Variants in RAB27B observed in about 807,000 individuals in gnomAD.
RAB27B encodes the protein RAB27B, member RAS oncogene family, also known as ras-related protein Rab-27B.
Under a neutral mutation model 24.6 loss-of-function variants are expected in RAB27B, and 15 were observed. The observed-to-expected ratio is 0.61, with a 90% CI of 0.41 to 0.94. The LOEUF (loss-of-function observed/expected upper bound fraction) is 0.94. RAB27B is among the 40% of genes least tolerant of loss of function. RAB27B has a pLI of 0.00. For missense variants in RAB27B, 261 were observed against 266.8 expected (o/e 0.98, Z 0.15); for synonymous variants, 105 against 92.5 (o/e 1.14, Z -0.78).
intron 2 of RAB27B, among the ~76,000 whole-genome samples, chr18:54,736,234 T>C (rs540488275): frequency 6.4e-4 from 98 of 152,308 alleles, no homozygotes; most frequent in African/African-American, 2.2e-3. Flanking sequence ...TATTTTTCTA[T>C]GCTCGATTAT....
chr18:54,842,599 A>C (rs1036199686), intron 1 of RAB27B, among the ~76,000 whole-genome samples: 1 of 152,208 alleles, frequency 6.6e-6, no homozygotes, highest in African/African-American at 2.4e-5. Context: ...TCTTTTTCCT[A>C]TGCGTCAAAG....
In RAB27B at chr18:54,783,481, T is replaced by TGTGTGTGTG. The variant is rs1908980504; in HGVS notation, c.-20+65340_-20+65341insGTGTGTGTG. On this transcript the variant is annotated intron_variant, in intron 2 of 4. Transcript: ENST00000586570. ...AATGTTAATTATGAAGCCTATGGCTTTGTGTGTGTGTGTGTGTGTGTGTGT... is the reference window on the plus strand; with the variant it reads ...AATGTTAATTATGAAGCCTATGGCTTGTGTGTGTGTGTGTGTGTGTGTGTGTGTGTGTGT... Among the ~76,000 whole-genome samples the TGTGTGTGTG allele has an allele frequency of 3.2e-3, 483 of 149,784 alleles. 3 individuals carry two copies. Among genetic ancestry groups the TGTGTGTGTG allele is most frequent in the African/African-American group, 0.011 (463 of 40,804 alleles).
At chr18:54,873,892 A>G (rs1236161446) in intron 1 of RAB27B, among the ~76,000 whole-genome samples, 1 of 152,220 alleles carries the variant, frequency 6.6e-6, no homozygotes, top group Middle Eastern at 3.2e-3. Context: ...AGATTTTTCC[A>G]CAGTGCCAAG....
intron 2 of RAB27B, among the ~76,000 whole-genome samples, chr18:54,770,902 C>T (rs962637128): frequency 2.0e-5 from 3 of 152,032 alleles, no homozygotes; most frequent in East Asian, 1.9e-4. Flanking sequence ...TTTTGGGGTT[C>T]GAATTAGAAA....
intron 2 of RAB27B, among the ~76,000 whole-genome samples, chr18:54,816,579 C>A (rs527395125): frequency 4.6e-5 from 7 of 152,144 alleles, no homozygotes; most frequent in Non-Finnish European, 8.8e-5. Flanking sequence ...TAATTTTTAT[C>A]TTGACAGTGA....
rs575728347 is a variant in RAB27B, at chr18:54,768,674, C to T, written c.-20+50533C>T. The stretch of plus-strand genomic sequence containing the variant: ...CAAGGAAAGAGGTTTAATTGACTCA[C>T]AGTTCTGCATTGCTGGGGAGGCCTC... On this transcript the variant is annotated intron_variant, in intron 2 of 4. Transcript: ENST00000586570. Among the ~76,000 whole-genome samples the T allele has an allele frequency of 1.2e-4, 19 of 152,272 alleles. No homozygotes were observed. In the South Asian group the frequency reaches 3.7e-3, roughly 30 times the overall value.
intron 2 of RAB27B, among the ~76,000 whole-genome samples, chr18:54,820,650 G>C (rs901629998): frequency 7.5e-4 from 114 of 152,166 alleles, no homozygotes; most frequent in African/African-American, 2.6e-3. Context: ...TTTGGCTTTT[G>C]TTGCCATTGC....
intron 2 of RAB27B, among the ~76,000 whole-genome samples, chr18:54,780,804 A>AT (rs781675582): frequency 5.9e-5 from 9 of 152,204 alleles, no homozygotes; most frequent in Admixed American, 6.5e-5. Flanking sequence ...CTGTTTCAAC[A>AT]AATTCTCCAG....
intron 1 of RAB27B, among the ~76,000 whole-genome samples, chr18:54,830,054 C>T (rs1035685554): frequency 1.3e-5 from 2 of 152,202 alleles, no homozygotes; most frequent in African/African-American, 4.8e-5. Flanking sequence ...CTGGATGAGC[C>T]TGTTCTCATA....
At chr18:54,788,931 A>G (rs1399846607) in intron 2 of RAB27B, among the ~76,000 whole-genome samples, 1 of 152,212 alleles carries the variant, frequency 6.6e-6, no homozygotes, top group East Asian at 1.9e-4. Flanking sequence ...TTGGATGAAG[A>G]ATATGTGTGA....
chr18:54,786,953 G>T (rs1274583740), intron 2 of RAB27B, among the ~76,000 whole-genome samples: 1 of 152,184 alleles, frequency 6.6e-6, no homozygotes, highest in Non-Finnish European at 1.5e-5. Context: ...GTTCTGTTTT[G>T]CCTGTATGCA....
intron 2 of RAB27B, among the ~76,000 whole-genome samples, chr18:54,787,290 G>A (rs1219004012): frequency 6.6e-6 from 1 of 152,146 alleles, no homozygotes; most frequent in Non-Finnish European, 1.5e-5. Context: ...TTTCGCTCTG[G>A]TCACGTGCCC....
chr18:54,728,805 G>A (rs1340237897), intron 2 of RAB27B, among the ~76,000 whole-genome samples: 1 of 129,786 alleles, frequency 7.7e-6, no homozygotes, highest in Non-Finnish European at 1.6e-5. Context: ...TAACCAGGGG[G>A]ACAGAGGTTG....
intron 2 of RAB27B, among the ~76,000 whole-genome samples, chr18:54,734,909 T>C (rs777374706): frequency 6.6e-6 from 1 of 152,192 alleles, no homozygotes; most frequent in Non-Finnish European, 1.5e-5. Flanking sequence ...ATTTTGAAAT[T>C]ATGAATCTCA....
intron 2 of RAB27B, among the ~76,000 whole-genome samples, chr18:54,821,582 A>G (rs1275126940): frequency 6.6e-6 from 1 of 152,232 alleles, no homozygotes; most frequent in Non-Finnish European, 1.5e-5. Context: ...GAACCAAAAA[A>G]GAGCCCGCAT....
chr18:54,776,959 C>T (rs1484246288), intron 2 of RAB27B, among the ~76,000 whole-genome samples: 4 of 152,140 alleles, frequency 2.6e-5, no homozygotes, highest in Non-Finnish European at 5.9e-5. Context: ...GCAGGAGAAT[C>T]ACCTGAGCCT....
At chr18:54,752,526 G>A (rs2145034692) in intron 2 of RAB27B, among the ~76,000 whole-genome samples, 1 of 152,324 alleles carries the variant, frequency 6.6e-6, no homozygotes, top group East Asian at 1.9e-4. Flanking sequence ...GGGAATGTGT[G>A]GGAGAGTGTA....
At chr18:54,778,434 G>A (rs1251461069) in intron 2 of RAB27B, among the ~76,000 whole-genome samples, 3 of 152,174 alleles carry the variant, frequency 2.0e-5, no homozygotes, top group Non-Finnish European at 4.4e-5. Flanking sequence ...TAATTAATTA[G>A]CCCTGTGAAC....
intron 3 of RAB27B, among the ~76,000 whole-genome samples, chr18:54,882,626 A>G (rs1246646549): frequency 2.0e-5 from 3 of 152,188 alleles, no homozygotes; most frequent in African/African-American, 7.2e-5. Flanking sequence ...ACGAAGGGGT[A>G]GGAAGAAAAG....
Sources: gnomAD v4.1 joint callset for allele counts (sites outside exome capture counted in the v4.1 genomes callset) on GRCh38, gnomAD v4.1.1 for gene constraint, MANE v1.5 for transcripts, NCBI Gene and HGNC (gene_info 2026-07-23, HGNC 2026-07-21) for gene names.